Variants in TENM2 observed in about 807,000 individuals in gnomAD.
The protein encoded by TENM2 is teneurin transmembrane protein 2.
Under a neutral mutation model 245.2 loss-of-function variants are expected in TENM2, and 52 were observed. That is an observed-to-expected ratio of 0.21 (90% CI 0.17 to 0.27). The LOEUF (loss-of-function observed/expected upper bound fraction) is 0.27, where lower values mean the gene tolerates loss of function less well. TENM2 is among the 10% of genes least tolerant of loss of function. TENM2 has a pLI of 1.00. For missense variants in TENM2, 3,046 were observed against 3,666.8 expected, an observed-to-expected ratio of 0.83 and a Z score of 4.37; for synonymous variants, 1,363 against 1,438.9, an observed-to-expected ratio of 0.95 and a Z score of 1.19.
intron 2 of TENM2, among the ~76,000 whole-genome samples, chr5:167,811,979 C>T (rs761879977): frequency 3.9e-5 from 6 of 151,984 alleles, no homozygotes; most frequent in South Asian, 2.1e-4. Flanking sequence ...TACACAAGGA[C>T]GTCATTTCAG....
intron 2 of TENM2, among the ~76,000 whole-genome samples, chr5:167,818,243 G>A (rs1291212311): frequency 3.9e-5 from 6 of 152,152 alleles, no homozygotes; most frequent in Admixed American, 3.3e-4. Flanking sequence ...TCATGGGGCA[G>A]CTCATCTAGA....
chr5:168,099,772 T>G (rs1411314740), intron 9 of TENM2, among the ~76,000 whole-genome samples: 1 of 152,190 alleles, frequency 6.6e-6, no homozygotes, highest in African/African-American at 2.4e-5. Flanking sequence ...TGCTGATAAG[T>G]GAAGGGGGCT....
At chr5:167,178,952 T>A in the TENM2 span, among the ~76,000 whole-genome samples, 1 of 152,192 alleles carries the variant, frequency 6.6e-6, no homozygotes, top group Non-Finnish European at 1.5e-5. Flanking sequence ...CAATGCTCAT[T>A]TTCATTTCAG....
At chr5:166,979,194 C>CCAGCAGCAGCAG in the TENM2 span, among the ~76,000 whole-genome samples, 11,046 of 142,022 alleles carry the variant, frequency 0.078, 533 homozygotes, top group East Asian at 0.15. Context: ...AGCACCACCA[C>CCAGCAGCAGCAG]CAGCAGCAGC....
intron 1 of TENM2, among the ~76,000 whole-genome samples, chr5:167,309,125 A>C (rs1248041068): frequency 2.0e-5 from 3 of 152,102 alleles, no homozygotes; most frequent in African/African-American, 4.8e-5. Flanking sequence ...CTTCCTATAG[A>C]ATGATCCTTG....
At chr5:168,148,908 TAGATAGATAGATTGATA>T (rs1562217563) in intron 12 of TENM2, among the ~76,000 whole-genome samples, 10 of 136,532 alleles carry the variant, frequency 7.3e-5, no homozygotes, top group Admixed American at 1.5e-4. Context: ...GATAGATAGA[TAGATAGATAGATTGATA>T]GATAGCACAA....
intron 2 of TENM2, among the ~76,000 whole-genome samples, chr5:167,683,977 G>A (rs1181090826): frequency 6.6e-6 from 1 of 152,150 alleles, no homozygotes; most frequent in African/African-American, 2.4e-5. Context: ...CTTTCAAAAA[G>A]AAGACATTGC....
intron 2 of TENM2, among the ~76,000 whole-genome samples, chr5:167,394,610 T>C (rs1224324962): frequency 2.0e-5 from 3 of 152,150 alleles, no homozygotes; most frequent in Non-Finnish European, 4.4e-5. Flanking sequence ...TTTTGTTCTT[T>C]GGAGACAGAG....
the TENM2 span, among the ~76,000 whole-genome samples, chr5:166,985,533 A>G: frequency 1.3e-5 from 2 of 152,184 alleles, no homozygotes; most frequent in Non-Finnish European, 1.5e-5. Context: ...AACTTGTGTG[A>G]CCCAAAATCT....
the TENM2 span, among the ~76,000 whole-genome samples, chr5:167,050,156 C>T: frequency 1.3e-5 from 2 of 152,104 alleles, no homozygotes; most frequent in Non-Finnish European, 2.9e-5. Context: ...CCCCGGGCTG[C>T]GGACTGGTGT....
At chr5:167,122,007 GA>G in the TENM2 span, among the ~76,000 whole-genome samples, 11 of 152,156 alleles carry the variant, frequency 7.2e-5, no homozygotes, top group African/African-American at 2.7e-4. Context: ...GAATTGGTAG[GA>G]AATAGCTATA....
intron 9 of TENM2, among the ~76,000 whole-genome samples, chr5:168,104,735 G>A (rs1794108373): frequency 6.6e-6 from 1 of 152,124 alleles, no homozygotes. Flanking sequence ...GTTTGCAAGA[G>A]CGTTTATTCC....
the TENM2 span, among the ~76,000 whole-genome samples, chr5:167,251,720 A>G: frequency 6.6e-6 from 1 of 152,176 alleles, no homozygotes; most frequent in Non-Finnish European, 1.5e-5. Context: ...GGGATTTTTC[A>G]GCTTGATTAA....
At chr5:166,985,772 A>G in the TENM2 span, among the ~76,000 whole-genome samples, 1 of 152,126 alleles carries the variant, frequency 6.6e-6, no homozygotes. Flanking sequence ...GGCTCCAAGA[A>G]AACAAGGGGG....
chr5:167,175,098 T>G, the TENM2 span, among the ~76,000 whole-genome samples: 2 of 152,198 alleles, frequency 1.3e-5, no homozygotes, highest in Non-Finnish European at 2.9e-5. Context: ...TGACGTCGTT[T>G]CTCTATCTTG....
intron 2 of TENM2, among the ~76,000 whole-genome samples, chr5:167,572,925 A>G (rs1361524062): frequency 6.6e-6 from 1 of 152,148 alleles, no homozygotes; most frequent in Non-Finnish European, 1.5e-5. Flanking sequence ...CACTTTCCTA[A>G]TAGCTTCTTT....
intron 2 of TENM2, among the ~76,000 whole-genome samples, chr5:167,494,533 C>G (rs1393498653): frequency 1.3e-5 from 2 of 151,950 alleles, no homozygotes; most frequent in Non-Finnish European, 2.9e-5. Flanking sequence ...TTCATTCATT[C>G]GACAATCACT....
intron 27 of TENM2, among the ~76,000 whole-genome samples, chr5:168,250,145 T>C (rs1338818103): frequency 3.3e-5 from 5 of 150,626 alleles, no homozygotes; most frequent in African/African-American, 1.2e-4. Context: ...GATGGATGGA[T>C]GGATGGATGG....
chr5:167,016,273 C>G, the TENM2 span, among the ~76,000 whole-genome samples: 1 of 46,248 alleles, frequency 2.2e-5, no homozygotes, highest in Non-Finnish European at 6.0e-5. Context: ...AACAAACAAA[C>G]AAACAAACAA....
Sources: allele counts gnomAD v4.1 joint callset (sites outside exome capture counted in the v4.1 genomes callset), GRCh38; gene constraint gnomAD v4.1.1; transcripts MANE v1.5; gene names NCBI Gene and HGNC (gene_info 2026-07-23, HGNC 2026-07-21).